The following TTC3 variants were observed in gnomAD, a reference collection of about 807,000 sequenced individuals.
TTC3 encodes tetratricopeptide repeat domain 3, also known as E3 ubiquitin-protein ligase TTC3.
Under a neutral mutation model 249.6 loss-of-function variants are expected in TTC3, and 180 were observed. The ratio of observed to expected loss-of-function variants is 0.72; its 90% CI spans 0.64 to 0.82. TTC3 has a LOEUF of 0.82. Ranked by LOEUF, TTC3 falls within the 40% of genes least tolerant of loss-of-function variation. The pLI, the probability that TTC3 is intolerant of heterozygous loss-of-function variation, is 0.00. For synonymous variants in TTC3, 717 were observed against 805.0 expected, an observed-to-expected ratio of 0.89 and a Z score of 1.85; for missense variants, 2,061 against 2,398.4, an observed-to-expected ratio of 0.86 and a Z score of 2.94.
intron 35 of TTC3, among the ~76,000 whole-genome samples, chr21:37,176,248 A>G (rs1408525009): frequency 6.6e-6 from 1 of 152,240 alleles, no homozygotes; most frequent in Non-Finnish European, 1.5e-5. Flanking sequence ...TTTAACCATT[A>G]CAAAGTATAC....
Position 37,161,971 on chromosome 21 carries a change from T to C in TTC3, c.3097-19T>C, listed in dbSNP as rs1047556493. 1.3e-6 allele frequency: 2 copies of C among 1,522,160 alleles called. No individual in the cohort carries two copies. The highest frequency in any genetic ancestry group is 2.8e-5 in the African/African-American group (2 of 72,608). 94.3% of individuals were successfully genotyped at this position (1,522,160 alleles called of 1,614,324 possible). A position where few individuals can be genotyped will look rare whatever the true frequency, so the allele number is the denominator to read the frequency against. On this transcript the variant is annotated intron_variant, in intron 30 of 45. Transcript: ENST00000355666. ...TTTAAGGTAGAAAATCATTGTCATT[T>C]TTCTGTCTTTTAAACCAGCCTATGT...
At chr21:37,188,470 CAT>C (rs748075435) in intron 38 of TTC3, 23 bp from the exon 39 acceptor site, 1 of 1,572,798 alleles carries the variant, frequency 6.4e-7, no homozygotes, top group South Asian at 1.1e-5. Flanking sequence ...GTAAAATACT[CAT>C]ATGTCTTCTG....
At chr21:37,102,828 C>G (rs1248204576) in intron 10 of TTC3, among the ~76,000 whole-genome samples, 1 of 152,132 alleles carries the variant, frequency 6.6e-6, no homozygotes, top group Middle Eastern at 3.2e-3. Context: ...GAAACCCTGT[C>G]TGTACTAAAA....
intron 1 of TTC3, chr21:37,083,310 A>G (rs112682920): frequency 2.3e-5 from 23 of 985,336 alleles, no homozygotes; most frequent in Non-Finnish European, 2.7e-5. Flanking sequence ...AAGGTCTTCT[A>G]TGCTTATATT....
chr21:37,152,392 G>C (rs7510458), intron 26 of TTC3, among the ~76,000 whole-genome samples: 19 of 123,454 alleles, frequency 1.5e-4, no homozygotes, highest in African/African-American at 5.7e-4. Flanking sequence ...TTTTTTTTTT[G>C]TTTTTTTTTT....
intron 35 of TTC3, among the ~76,000 whole-genome samples, chr21:37,179,609 A>C (rs562956425): frequency 6.6e-6 from 1 of 152,310 alleles, no homozygotes; most frequent in East Asian, 1.9e-4. Context: ...AGTATGGTAT[A>C]GTAATTATCT....
chr21:37,163,508 G>A (rs1002011231), intron 31 of TTC3, among the ~76,000 whole-genome samples: 7 of 152,060 alleles, frequency 4.6e-5, no homozygotes, highest in African/African-American at 9.7e-5. Flanking sequence ...GCGCCATGAC[G>A]CCTGGCTAAT....
chr21:37,126,942 C>T (rs939396509), intron 15 of TTC3, among the ~76,000 whole-genome samples: 3 of 151,956 alleles, frequency 2.0e-5, no homozygotes, highest in African/African-American at 7.3e-5. Context: ...GCAGCCTCTG[C>T]CTCCTGGGTT....
At chr21:37,181,878 T>C (rs969195620) in intron 35 of TTC3, among the ~76,000 whole-genome samples, 2 of 152,162 alleles carry the variant, frequency 1.3e-5, no homozygotes, top group African/African-American at 4.8e-5. Context: ...TGAAATGACC[T>C]ACGTGTGCTC....
chr21:37,201,188 A>G (rs2085459498), intron 45 of TTC3, among the ~76,000 whole-genome samples: 1 of 152,228 alleles, frequency 6.6e-6, no homozygotes, highest in South Asian at 2.1e-4. Flanking sequence ...GATCAGGGCA[A>G]GACCACCCCC....
chr21:37,141,411 A>AT (rs72557072), intron 20 of TTC3, among the ~76,000 whole-genome samples: 82 of 102,790 alleles, frequency 8.0e-4, no homozygotes, highest in African/African-American at 2.9e-3. Flanking sequence ...ATTTTGGGGA[A>AT]TCCCCCCCCC....
chr21:37,185,979 A>G (rs2083227619), intron 37 of TTC3: 2 of 216,704 alleles, frequency 9.2e-6, no homozygotes, highest in Admixed American at 5.8e-5. Context: ...TTATTTTACA[A>G]GATTTCTGCA....
intron 44 of TTC3, among the ~76,000 whole-genome samples, chr21:37,199,229 G>A (rs1284843634): frequency 1.3e-5 from 2 of 152,212 alleles, no homozygotes; most frequent in African/African-American, 4.8e-5. Flanking sequence ...CACTGCCAGG[G>A]CTGCCTGCAT....
chr21:37,084,539 C>G (rs913079973), intron 1 of TTC3, among the ~76,000 whole-genome samples: 1 of 152,058 alleles, frequency 6.6e-6, no homozygotes, highest in Admixed American at 6.5e-5. Context: ...TATCGTTATC[C>G]CCATTTGATA....
intron 11 of TTC3, among the ~76,000 whole-genome samples, chr21:37,117,006 A>G (rs2076196504): frequency 6.6e-6 from 1 of 151,918 alleles, no homozygotes; most frequent in Non-Finnish European, 1.5e-5. Context: ...GATAGCCTTC[A>G]TTAGATTAAT....
chr21:37,082,297 C>G (rs558954748), intron 1 of TTC3: 4 of 158,742 alleles, frequency 2.5e-5, no homozygotes, highest in African/African-American at 7.3e-5. Flanking sequence ...TTCCCAATGT[C>G]TGATATCCTT....
chr21:37,166,913 G>T (rs1294399755), intron 33 of TTC3, among the ~76,000 whole-genome samples: 1 of 152,192 alleles, frequency 6.6e-6, no homozygotes, highest in Non-Finnish European at 1.5e-5. Context: ...TAATAAAGGT[G>T]CTGGAGGAGA....
intron 10 of TTC3, among the ~76,000 whole-genome samples, chr21:37,106,021 A>T (rs1027297815): frequency 1.3e-5 from 2 of 152,154 alleles, no homozygotes; most frequent in Non-Finnish European, 2.9e-5. Context: ...TGATTGTATC[A>T]TTTTGTACTC....
At chr21:37,128,451 T>C (rs959958157) in intron 15 of TTC3, among the ~76,000 whole-genome samples, 3 of 152,210 alleles carry the variant, frequency 2.0e-5, no homozygotes, top group African/African-American at 7.2e-5. Context: ...ACAGGTTTAC[T>C]TAGTGCTTCT....
Sources: allele counts gnomAD v4.1 joint callset (sites outside exome capture counted in the v4.1 genomes callset), GRCh38; gene constraint gnomAD v4.1.1; transcripts MANE v1.5; gene names NCBI Gene and HGNC (gene_info 2026-07-23, HGNC 2026-07-21).